ARHGEF6: variants seen among roughly 807,000 people sequenced by gnomAD.
ARHGEF6 encodes rho guanine nucleotide exchange factor 6.
A neutral mutation model predicts 70.3 loss-of-function variants in ARHGEF6; 9 were observed. That is an observed-to-expected ratio of 0.13 (90% CI 0.08 to 0.22). The LOEUF is 0.22. Among genes scored for constraint, ARHGEF6 ranks in the 10% least tolerant of loss-of-function variants. The pLI is 1.00. For missense variants in ARHGEF6, 470 were observed against 563.0 expected, an observed-to-expected ratio of 0.83 and a Z score of 1.67; for synonymous variants, 201 against 207.8, an observed-to-expected ratio of 0.97 and a Z score of 0.28.
chrX:136,715,823 T>C (rs988390501), intron 6 of ARHGEF6, among the ~76,000 whole-genome samples: 1 of 112,273 alleles, frequency 8.9e-6, no homozygotes, highest in Admixed American at 9.4e-5. Flanking sequence ...AGGGAAAAAG[T>C]TGCCTTTTTG....
chrX:136,718,500 C>T (rs1362725901), intron 6 of ARHGEF6, among the ~76,000 whole-genome samples: 4 of 111,216 alleles, frequency 3.6e-5, no homozygotes, highest in Admixed American at 1.9e-4. Context: ...GCTTATTTAA[C>T]CCATTCTCAT....
intron 13 of ARHGEF6, among the ~76,000 whole-genome samples, chrX:136,682,555 T>A (rs1343304203): frequency 8.9e-6 from 1 of 112,115 alleles, no homozygotes; most frequent in African/African-American, 3.2e-5. Flanking sequence ...GTGGATATAT[T>A]CAAGATAAAC....
At chrX:136,773,426 G>T (rs2077377979) in intron 2 of ARHGEF6, among the ~76,000 whole-genome samples, 1 of 112,203 alleles carries the variant, frequency 8.9e-6, no homozygotes, top group Admixed American at 9.4e-5. Context: ...GGAAGCTTCA[G>T]ACAAGATGAT....
chrX:136,686,687 TATATATACAC>T (rs1390316472), intron 11 of ARHGEF6, among the ~76,000 whole-genome samples: 3 of 61,781 alleles, frequency 4.9e-5, no homozygotes, highest in Non-Finnish European at 8.4e-5. Context: ...TACACATATA[TATATATACAC>T]ATATATATAT....
At chrX:136,768,912 G>A (rs755491827) in intron 2 of ARHGEF6, among the ~76,000 whole-genome samples, 2 of 107,651 alleles carry the variant, frequency 1.9e-5, no homozygotes, top group African/African-American at 3.4e-5. Flanking sequence ...GAATGAGGGG[G>A]TGGGGGCAGA....
chrX:136,714,445 A>G (rs1014631709), intron 6 of ARHGEF6, among the ~76,000 whole-genome samples: 18 of 112,370 alleles, frequency 1.6e-4, no homozygotes, highest in Non-Finnish European at 2.6e-4. Flanking sequence ...AACCCAGTTA[A>G]CATTCTGGTA....
intron 20 of ARHGEF6, among the ~76,000 whole-genome samples, chrX:136,671,157 C>T (rs1409024828): frequency 8.9e-6 from 1 of 112,396 alleles, no homozygotes; most frequent in Non-Finnish European, 1.9e-5. Flanking sequence ...GCATTACCGT[C>T]ATCCTTATTT....
intron 6 of ARHGEF6, among the ~76,000 whole-genome samples, chrX:136,729,000 TTCTCTCTCTCTCTCTCTCTCTCTCTC>T (rs746818580): frequency 5.0e-3 from 81 of 16,077 alleles, no homozygotes; most frequent in African/African-American, 0.024. Context: ...TCCTTATTCA[TTCTCTCTCTCTCTCTCTCTCTCTCTC>T]TCTCTCTCTC....
At position 136,743,726 on chromosome X, in the gene ARHGEF6, T is replaced by C; in HGVS notation, c.520A>G (p.Thr174Ala). 8.3e-7 allele frequency: 1 copy of C among 1,212,015 alleles called. No homozygotes were observed. Among genetic ancestry groups the C allele is most frequent in the Non-Finnish European group, 1.1e-6 (1 of 895,535 alleles). ...IVKARFNFKQ[T>A]NEDELSVCKG... is the part of the protein sequence containing the mutation. ...CAAACTGACAGTTCATCCTCATTAG[T>C]CTGCTTAAAGTTGAATCTTGCTTTT... Residue 174 changes from threonine (T) to alanine (A), a missense_variant, in exon 5 of 22, where the codon ACT becomes GCT. Transcript: ENST00000250617.
chrX:136,686,709 C>CATATATATATAT (rs35706788), intron 11 of ARHGEF6, among the ~76,000 whole-genome samples: 1 of 63,140 alleles, frequency 1.6e-5, no homozygotes, highest in Non-Finnish European at 2.9e-5. Context: ...TATATATATA[C>CATATATATATAT]ATATATATAT....
rs1236427343 is a variant in ARHGEF6, at chrX:136,666,802, A to C, written c.*1227T>G. ...TGGGATAAAGTGGATGATGTGATTC[A>C]ATGAGCAACTTGAGTTAATCAGTCC... On this transcript the variant is annotated 3_prime_UTR_variant, in exon 22 of 22. Transcript: ENST00000250617. The C allele has an allele frequency of 8.9e-6, 1 of 111,897 alleles. No individual in the cohort carries two copies. The highest frequency in any genetic ancestry group is 1.9e-5 in the Non-Finnish European group (1 of 53,255). 9.2% of individuals were successfully genotyped at this position (111,897 alleles called of 1,213,427 possible). A position where few individuals can be genotyped will look rare whatever the true frequency, so the allele number is the denominator to read the frequency against.
At chrX:136,746,173 A>G (rs1228741262) in intron 3 of ARHGEF6, among the ~76,000 whole-genome samples, 3 of 112,253 alleles carry the variant, frequency 2.7e-5, no homozygotes, top group Non-Finnish European at 5.6e-5. Context: ...GTATTTTATA[A>G]ATATCTGTGG....
intron 5 of ARHGEF6, 105 bp from the exon 6 acceptor site, chrX:136,732,277 C>A (rs2076943661): frequency 4.9e-6 from 3 of 613,036 alleles, no homozygotes; most frequent in Non-Finnish European, 8.0e-6. Flanking sequence ...GTGGAAGGAT[C>A]AATGGAAATG....
intron 21 of ARHGEF6, 79 bp downstream of exon 21, chrX:136,669,403 C>A: frequency 1.0e-6 from 1 of 961,986 alleles, no homozygotes; most frequent in Non-Finnish European, 1.5e-6. Context: ...CCTAGGCCTT[C>A]CCTGAAAGCA....
chrX:136,696,077 T>A (rs1227776985), intron 9 of ARHGEF6, among the ~76,000 whole-genome samples: 1 of 111,597 alleles, frequency 9.0e-6, no homozygotes, highest in Non-Finnish European at 1.9e-5. Context: ...GGTAGGTGGT[T>A]TGACCCTCAT....
At chrX:136,737,014 T>A (rs1271315957) in intron 5 of ARHGEF6, among the ~76,000 whole-genome samples, 1 of 111,777 alleles carries the variant, frequency 8.9e-6, no homozygotes, top group African/African-American at 3.3e-5. Flanking sequence ...TAAATGTCCC[T>A]CCACCCTCCA....
At chrX:136,722,956 A>C (rs1268493551) in intron 6 of ARHGEF6, among the ~76,000 whole-genome samples, 1 of 112,944 alleles carries the variant, frequency 8.9e-6, no homozygotes, top group African/African-American at 3.2e-5. Flanking sequence ...ATGGAATATT[A>C]CTTAGCTATA....
At chrX:136,735,694 C>T (rs944168029) in intron 5 of ARHGEF6, among the ~76,000 whole-genome samples, 7 of 111,748 alleles carry the variant, frequency 6.3e-5, no homozygotes, top group African/African-American at 2.3e-4. Context: ...TGTAAAGACT[C>T]CTTTCCAATT....
chrX:136,728,711 A>G (rs931411909), intron 6 of ARHGEF6, among the ~76,000 whole-genome samples: 6 of 109,542 alleles, frequency 5.5e-5, no homozygotes, highest in Non-Finnish European at 9.5e-5. Context: ...TAGGTGGAGT[A>G]GAGCATATTG....
Sources: allele counts gnomAD v4.1 joint callset (sites outside exome capture counted in the v4.1 genomes callset), GRCh38; gene constraint gnomAD v4.1.1; transcripts MANE v1.5; gene names NCBI Gene and HGNC (gene_info 2026-07-23, HGNC 2026-07-21).